The following ULK4 variants were observed in gnomAD, a reference collection of about 807,000 sequenced individuals.
The protein encoded by ULK4 is unc-51 like kinase 4.
Under a neutral mutation model 160.6 loss-of-function variants are expected in ULK4, and 133 were observed. The ratio of observed to expected loss-of-function variants is 0.83; its 90% CI spans 0.72 to 0.96. The LOEUF is 0.96. ULK4 is among the 40% of genes least tolerant of loss of function. The pLI, the probability that ULK4 is intolerant of heterozygous loss-of-function variation, is 0.00. For synonymous variants in ULK4, 534 were observed against 539.8 expected, an observed-to-expected ratio of 0.99 and a Z score of 0.15; for missense variants, 1,580 against 1,499.5, an observed-to-expected ratio of 1.05 and a Z score of -0.89.
At chr3:41,408,717 C>A (rs78398710) in intron 34 of ULK4, among the ~76,000 whole-genome samples, 4,250 of 152,144 alleles carry the variant, frequency 0.028, 189 homozygotes, top group African/African-American at 0.095. Context: ...AAATTTACTA[C>A]AAAGCAACAG....
chr3:41,808,011 C>G (rs553180832), intron 19 of ULK4, among the ~76,000 whole-genome samples: 8 of 152,176 alleles, frequency 5.3e-5, no homozygotes, highest in Non-Finnish European at 1.0e-4. Flanking sequence ...GTTGTCGTCG[C>G]GTATCTCCTA....
At chr3:41,590,541 C>T (rs1283651119) in intron 31 of ULK4, among the ~76,000 whole-genome samples, 1 of 147,362 alleles carries the variant, frequency 6.8e-6, no homozygotes, top group Admixed American at 6.8e-5. Context: ...GTGGCTGAGA[C>T]AGGAGAATTG....
chr3:41,758,486 C>T (rs140853257), intron 21 of ULK4, among the ~76,000 whole-genome samples: 113 of 152,260 alleles, frequency 7.4e-4, no homozygotes, highest in Non-Finnish European at 1.3e-3. Context: ...GATGCAAAAA[C>T]TCCTCAACAA....
At chr3:41,848,688 C>T (rs2042129105) in intron 17 of ULK4, among the ~76,000 whole-genome samples, 1 of 152,122 alleles carries the variant, frequency 6.6e-6, no homozygotes, top group Non-Finnish European at 1.5e-5. Flanking sequence ...AGCAGTATCC[C>T]CAAACAGGAC....
At chr3:41,441,689 G>A (rs1309197736) in intron 34 of ULK4, among the ~76,000 whole-genome samples, 1 of 152,092 alleles carries the variant, frequency 6.6e-6, no homozygotes, top group African/African-American at 2.4e-5. Flanking sequence ...GGTGCTCTGT[G>A]AATGGCAATC....
chr3:41,246,691 G>C lies in ULK4; in HGVS notation c.*238C>G, dbSNP rs1429569868. On this transcript the variant is annotated 3_prime_UTR_variant, in exon 37 of 37. Coordinates refer to ENST00000301831, the MANE Select transcript of ULK4 (RefSeq NM_017886.4). ...GAGGGAAAGAACATTTCTGAGAACA[G>C]CTAACAAACCTGGGCTTCCCAGATG... The C allele has an allele frequency of 1.4e-5, 7 of 511,548 alleles. No individual in the cohort carries two copies. The highest frequency in any genetic ancestry group is 3.5e-6 in the Non-Finnish European group (1 of 284,482). 31.7% of individuals were successfully genotyped at this position (511,548 alleles called of 1,614,324 possible).
chr3:41,493,336 C>T (rs894972419), intron 32 of ULK4, among the ~76,000 whole-genome samples: 10 of 144,670 alleles, frequency 6.9e-5, no homozygotes, highest in Admixed American at 1.4e-4. Flanking sequence ...CTACTGGGTA[C>T]ATAACGAAAT....
chr3:41,695,690 A>T (rs999378520), intron 27 of ULK4, among the ~76,000 whole-genome samples: 1 of 152,142 alleles, frequency 6.6e-6, no homozygotes, highest in Non-Finnish European at 1.5e-5. Context: ...GCGGCAAGCC[A>T]TCCAGGTGCC....
chr3:41,766,643 A>C (rs2039171299), intron 21 of ULK4: 1 of 152,218 alleles, frequency 6.6e-6, no homozygotes, highest in Admixed American at 6.5e-5. Context: ...AGCTGGTTAG[A>C]CTTTCATTAT....
At chr3:41,942,354 A>G (rs1441435654) in intron 2 of ULK4, among the ~76,000 whole-genome samples, 1 of 152,024 alleles carries the variant, frequency 6.6e-6, no homozygotes, top group Non-Finnish European at 1.5e-5. Context: ...CCCTATCTCT[A>G]TAAAAAATAC....
chr3:41,327,101 CTATT>C (rs1229506617), intron 35 of ULK4, among the ~76,000 whole-genome samples: 2 of 151,976 alleles, frequency 1.3e-5, no homozygotes, highest in East Asian at 3.9e-4. Flanking sequence ...TGCTTTGGGG[CTATT>C]TATTTTATTT....
intron 35 of ULK4, among the ~76,000 whole-genome samples, chr3:41,363,147 T>C (rs1168201189): frequency 2.6e-5 from 4 of 152,312 alleles, no homozygotes; most frequent in Admixed American, 1.3e-4. Context: ...TCAGTGGCCA[T>C]GCAATTAAGC....
In ULK4 at chr3:41,918,462, G is replaced by T; in HGVS notation, c.722C>A (p.Pro241Gln). 6.4e-7 allele frequency: 1 copy of T among 1,572,902 alleles called. No individual in the cohort carries two copies. The highest frequency in any genetic ancestry group is 8.6e-7 in the Non-Finnish European group (1 of 1,158,536). Residue 241 changes from proline (P) to glutamine (Q), a missense_variant, in exon 7 of 37, where the codon CCG becomes CAG. Physicochemically the swap from Pro to Gln is moderately conservative, Grantham distance 76 (BLOSUM62 -1). Coordinates refer to ENST00000301831, the MANE Select transcript of ULK4 (RefSeq NM_017886.4). The part of the protein sequence containing the change: ...ILCEDPLPPI[P>Q]KDSSRPKASS... ...TTTATCATAAGAAATCTTACCTTTC[G>T]GAATAGGTGGCAAAGGATCTTCACA...
intron 35 of ULK4, among the ~76,000 whole-genome samples, chr3:41,316,953 T>G (rs1370532622): frequency 1.3e-5 from 2 of 152,194 alleles, no homozygotes; most frequent in African/African-American, 4.8e-5. Flanking sequence ...TCACATATTT[T>G]TCTATGCAAT....
Position 41,392,391 on chromosome 3 carries a change from C to T in ULK4, c.3678+5688G>A, listed in dbSNP as rs77584715. ...CATCCTATTTCTTTGTTAGTGAAAA[C>T]TGTAGTTTTAGAAAGTAATTGTCAC... On this transcript the variant is annotated intron_variant, in intron 35 of 36. Transcript: ENST00000301831. Among the ~76,000 whole-genome samples, 1,018 of 152,200 alleles carry T rather than the reference C, an allele frequency of 6.7e-3. 4 individuals are homozygous for T. Among genetic ancestry groups the T allele is most frequent in the East Asian group, 0.015 (79 of 5,174 alleles).
chr3:41,419,442 A>T (rs2082608271), intron 34 of ULK4, among the ~76,000 whole-genome samples: 2 of 152,158 alleles, frequency 1.3e-5, no homozygotes, highest in African/African-American at 4.8e-5. Context: ...ATTTACAAGA[A>T]TGGAGTTCAG....
chr3:41,634,595 C>G (rs950431796), intron 30 of ULK4, among the ~76,000 whole-genome samples: 3 of 152,130 alleles, frequency 2.0e-5, no homozygotes, highest in African/African-American at 4.8e-5. Flanking sequence ...TGCATGGTCC[C>G]TTTAGAGGAA....
intron 29 of ULK4, among the ~76,000 whole-genome samples, chr3:41,664,814 A>C (rs138859796): frequency 1.1e-4 from 17 of 152,322 alleles, no homozygotes; most frequent in African/African-American, 3.6e-4. Flanking sequence ...TATTATTAAT[A>C]CTTGAAAATC....
At chr3:41,714,999 G>A (rs564077682) in intron 25 of ULK4, among the ~76,000 whole-genome samples, 1 of 152,148 alleles carries the variant, frequency 6.6e-6, no homozygotes, top group South Asian at 2.1e-4. Flanking sequence ...TGTTTCTGTG[G>A]ACATATTTAC....
Sources: gnomAD v4.1 joint callset for allele counts (sites outside exome capture counted in the v4.1 genomes callset) on GRCh38, gnomAD v4.1.1 for gene constraint, MANE v1.5 for transcripts, NCBI Gene and HGNC (gene_info 2026-07-23, HGNC 2026-07-21) for gene names.